Variants in KIAA1958 observed in about 807,000 individuals in gnomAD.
KIAA1958 encodes uncharacterized protein KIAA1958.
A neutral mutation model predicts 47.2 loss-of-function variants in KIAA1958; 14 were observed. The ratio of observed to expected loss-of-function variants is 0.30; its 90% confidence interval spans 0.20 to 0.46. The LOEUF (loss-of-function observed/expected upper bound fraction) is 0.46. Ranked by LOEUF, KIAA1958 falls within the 20% of genes least tolerant of loss-of-function variation. The pLI is 1.00. For synonymous variants in KIAA1958, 354 were observed against 353.3 expected, an observed-to-expected ratio of 1.00 and a Z score of -0.02; for missense variants, 803 against 909.2, an observed-to-expected ratio of 0.88 and a Z score of 1.50.
At chr9:112,487,376 C>T (rs1249267948) in intron 1 of KIAA1958, among the ~76,000 whole-genome samples, 4 of 151,634 alleles carry the variant, frequency 2.6e-5, no homozygotes, top group Admixed American at 2.0e-4. Flanking sequence ...GGTGGCGGCT[C>T]CGGTCCGCCT....
In KIAA1958 at chr9:112,570,550, T is replaced by G. The variant is rs1835514384; in HGVS notation, c.-24-3507T>G. ...CCAATAATAATTAGCTTTTAAACTT[T>G]TATCTTTCACCATTTAGTAACCTTG... On this transcript the variant is annotated intron_variant, in intron 1 of 3. Coordinates refer to ENST00000337530, the MANE Select transcript of KIAA1958 (RefSeq NM_133465.4). Among the ~76,000 whole-genome samples the G allele has an allele frequency of 2.0e-5, 3 of 152,222 alleles. No homozygotes were observed. The South Asian group carries it at 6.2e-4, about 32-fold the overall frequency.
intron 1 of KIAA1958, among the ~76,000 whole-genome samples, chr9:112,508,963 A>C (rs988523265): frequency 2.0e-5 from 3 of 152,248 alleles, no homozygotes; most frequent in African/African-American, 7.2e-5. Flanking sequence ...CATTTCAGAA[A>C]GAAAATTATT....
intron 1 of KIAA1958, among the ~76,000 whole-genome samples, chr9:112,500,588 C>G (rs1834117826): frequency 6.6e-6 from 1 of 151,926 alleles, no homozygotes; most frequent in Admixed American, 6.6e-5. Context: ...CCGTGGTCAG[C>G]CTAGTATCAT....
intron 1 of KIAA1958, among the ~76,000 whole-genome samples, chr9:112,500,863 T>C (rs557107998): frequency 1.3e-5 from 2 of 152,044 alleles, no homozygotes; most frequent in African/African-American, 4.8e-5. Context: ...AATCCCAGTA[T>C]TTTGGAAGGC....
At chr9:112,577,389 A>G (rs1835663733) in intron 2 of KIAA1958, among the ~76,000 whole-genome samples, 1 of 152,154 alleles carries the variant, frequency 6.6e-6, no homozygotes, top group Non-Finnish European at 1.5e-5. Context: ...ATGAGACAAA[A>G]TGTTATCTTT....
In KIAA1958 at chr9:112,618,786, C is replaced by T; in HGVS notation, c.1172-26864C>T. 6 of 1,550,622 alleles carry T rather than the reference C, an allele frequency of 3.9e-6. No individual in the cohort carries two copies. The highest frequency in any genetic ancestry group is 5.2e-6 in the Non-Finnish European group (6 of 1,147,004). On this transcript the variant is annotated intron_variant, in intron 2 of 3. Transcript: ENST00000337530. This position sits in a 1 kb window ranked among gnomAD's most constrained non-coding sequence, Gnocchi z 7.1. ...CAGAGCTGCAGCACCTTGTCTGAGGCCCAGAGCAACCAGCTCGTGCTGATC... is the reference window on the plus strand; with the variant it reads ...CAGAGCTGCAGCACCTTGTCTGAGGTCCAGAGCAACCAGCTCGTGCTGATC...
intron 1 of KIAA1958, among the ~76,000 whole-genome samples, chr9:112,487,959 GTGT>G (rs1833897525): frequency 6.6e-6 from 1 of 151,338 alleles, no homozygotes; most frequent in South Asian, 2.1e-4. Context: ...GTGTGTGTGT[GTGT>G]GTGTGTGTGT....
At chr9:112,590,350 CTTTT>C (rs893352438) in intron 2 of KIAA1958, among the ~76,000 whole-genome samples, 3 of 134,286 alleles carry the variant, frequency 2.2e-5, no homozygotes, top group African/African-American at 8.3e-5. Context: ...AGACACCCTT[CTTTT>C]TTTTTTTTTT....
intron 1 of KIAA1958, among the ~76,000 whole-genome samples, chr9:112,571,855 TAAAAA>T (rs561993128): frequency 6.9e-6 from 1 of 144,160 alleles, no homozygotes; most frequent in African/African-American, 2.5e-5. Context: ...AGAAATAAAA[TAAAAA>T]AAGTTCAGAA....
chr9:112,487,721 C>T (rs1833887201), intron 1 of KIAA1958, among the ~76,000 whole-genome samples: 1 of 152,256 alleles, frequency 6.6e-6, no homozygotes, highest in East Asian at 1.9e-4. Context: ...TCCGCCCCCC[C>T]ACCCCCATCT....
chr9:112,539,706 G>A (rs941063643), intron 1 of KIAA1958, among the ~76,000 whole-genome samples: 2 of 151,920 alleles, frequency 1.3e-5, no homozygotes, highest in African/African-American at 4.8e-5. Flanking sequence ...GGTGGGGGTT[G>A]GGTGCATGGA....
chr9:112,622,482 T>TA (rs1220633091), intron 2 of KIAA1958, among the ~76,000 whole-genome samples: 3 of 152,322 alleles, frequency 2.0e-5, no homozygotes, highest in East Asian at 1.9e-4. Context: ...TAGCTATTTT[T>TA]AAAAAAACTA....
chr9:112,602,887 G>T (rs1465977433), intron 2 of KIAA1958, among the ~76,000 whole-genome samples: 1 of 152,178 alleles, frequency 6.6e-6, no homozygotes, highest in East Asian at 1.9e-4. Context: ...AATACAATCA[G>T]TATGGTTGGT....
chr9:112,508,810 C>T (rs1474279096), intron 1 of KIAA1958, among the ~76,000 whole-genome samples: 5 of 150,334 alleles, frequency 3.3e-5, no homozygotes, highest in South Asian at 4.2e-4. Context: ...ATTTTTTTTT[C>T]TAATAAGATT....
At chr9:112,643,539 C>T (rs1836928351) in intron 2 of KIAA1958, among the ~76,000 whole-genome samples, 1 of 152,094 alleles carries the variant, frequency 6.6e-6, no homozygotes, top group African/African-American at 2.4e-5. Context: ...AGGAGTTATC[C>T]AGGTTGATGG....
chr9:112,632,672 C>T (rs937570538), intron 2 of KIAA1958, among the ~76,000 whole-genome samples: 7 of 152,058 alleles, frequency 4.6e-5, no homozygotes, highest in Non-Finnish European at 7.4e-5. Context: ...CTTTTGCTAG[C>T]GAGTTATTTT....
chr9:112,507,647 C>T (rs986175034), intron 1 of KIAA1958, among the ~76,000 whole-genome samples: 1 of 152,124 alleles, frequency 6.6e-6, no homozygotes, highest in African/African-American at 2.4e-5. Flanking sequence ...ACTCACTGTG[C>T]CTGGCCAGTT....
In KIAA1958 at chr9:112,667,724, T is replaced by G. The variant is rs1283658395; in HGVS notation, c.*7655T>G. 6.6e-6 allele frequency: 1 copy of G among 152,234 alleles called. No homozygotes were observed. Among genetic ancestry groups the G allele is most frequent in the Non-Finnish European group, 1.5e-5 (1 of 68,040 alleles). The allele number at this position is 152,234 out of a possible 1,614,324, so 9.4% of individuals were successfully genotyped here. A position where few individuals can be genotyped will look rare whatever the true frequency, so the allele number is the denominator to read the frequency against. On this transcript the variant is annotated 3_prime_UTR_variant, in exon 4 of 4. Coordinates refer to ENST00000337530, the MANE Select transcript of KIAA1958 (RefSeq NM_133465.4). ...TGACTTTGGAATTTTATACATATTT[T>G]ATATGTTAAGATACATAATTTTTTA...
chr9:112,527,325 T>C (rs4979128), intron 1 of KIAA1958, among the ~76,000 whole-genome samples: 39,258 of 151,970 alleles, frequency 0.26, 5,077 homozygotes, highest in Middle Eastern at 0.4. Flanking sequence ...TTGAGATCCA[T>C]GGAACAAACA....
Sources: allele counts gnomAD v4.1 joint callset (sites outside exome capture counted in the v4.1 genomes callset), GRCh38; gene constraint gnomAD v4.1.1; non-coding constraint Gnocchi (gnomAD v3.1); transcripts MANE v1.5; gene names NCBI Gene and HGNC (gene_info 2026-07-23, HGNC 2026-07-21).